CAPN5: variants seen among roughly 807,000 people sequenced by gnomAD.
CAPN5 encodes calpain 5.
A neutral mutation model predicts 73.0 loss-of-function variants in CAPN5; 54 were observed. The observed-to-expected ratio is 0.74, with a 90% confidence interval of 0.59 to 0.93. The LOEUF is 0.93. Among genes scored for constraint, CAPN5 ranks in the 40% least tolerant of loss-of-function variants. CAPN5 has a pLI of 0.00. For synonymous variants in CAPN5, 335 were observed against 356.9 expected, an observed-to-expected ratio of 0.94 and a Z score of 0.69; for missense variants, 785 against 882.9, an observed-to-expected ratio of 0.89 and a Z score of 1.41.
intron 7 of CAPN5, 137 bp downstream of exon 7, chr11:77,116,440 G>A (rs1950469392): frequency 1.4e-6 from 1 of 704,302 alleles, no homozygotes; most frequent in Non-Finnish European, 2.6e-6. Context: ...CCTTGGACAA[G>A]TCACACCATC....
chr11:77,124,754 C>T lies in CAPN5; in HGVS notation c.*884C>T, dbSNP rs944827231. 1 of 152,368 alleles carries T rather than the reference C, an allele frequency of 6.6e-6. No homozygotes were observed. Among genetic ancestry groups the T allele is most frequent in the East Asian group, 1.9e-4 (1 of 5,164 alleles). 9.4% of individuals were successfully genotyped at this position (152,368 alleles called of 1,614,324 possible). On this transcript the variant is annotated 3_prime_UTR_variant, in exon 13 of 13. Coordinates refer to ENST00000648180, the MANE Select transcript of CAPN5 (RefSeq NM_004055.5). ...TGGGGACCAGAAGGGGAGATGTGCT[C>T]CCAGAGCCTCTCTGCTGTAAGACCC...
At chr11:77,091,637 C>T (rs1472037628) in intron 2 of CAPN5, among the ~76,000 whole-genome samples, 2 of 152,186 alleles carry the variant, frequency 1.3e-5, no homozygotes, top group African/African-American at 4.8e-5. Flanking sequence ...GCAGTGGCTT[C>T]CTCAGCTCAG....
At chr11:77,122,526 C>T (rs1555043012) in intron 11 of CAPN5, 50 bp from the exon 12 acceptor site, 3 of 1,285,424 alleles carry the variant, frequency 2.3e-6, no homozygotes, top group East Asian at 2.6e-5. Flanking sequence ...TGTGGCCCTG[C>T]CACAGCCCCC....
chr11:77,093,621 G>A (rs978534121), intron 2 of CAPN5, 61 bp from the exon 3 acceptor site: 6 of 1,514,822 alleles, frequency 4.0e-6, no homozygotes, highest in Non-Finnish European at 5.3e-6. Context: ...CATGTCTCCT[G>A]CCATGGGGGG....
Position 77,096,845 on chromosome 11 carries a change from C to G in CAPN5, c.297+3032C>G, listed in dbSNP as rs1040029113. Among the ~76,000 whole-genome samples the G allele has an allele frequency of 3.0e-4, 46 of 152,114 alleles. 1 individual carries two copies. The highest frequency in any genetic ancestry group is 2.2e-4 in the Non-Finnish European group (15 of 68,000). ...GCATGGAAGTGACCAGAGTCCCAGT[C>G]GAATGCCTGGGTGTCTCTAGGAGGG... On this transcript the variant is annotated intron_variant, in intron 3 of 12. Coordinates refer to ENST00000648180, the MANE Select transcript of CAPN5 (RefSeq NM_004055.5).
chr11:77,104,358 G>A (rs1366355572), intron 3 of CAPN5, among the ~76,000 whole-genome samples: 5 of 152,186 alleles, frequency 3.3e-5, no homozygotes, highest in African/African-American at 7.2e-5. Flanking sequence ...CAAGTGCTTC[G>A]TCCTGACATA....
intron 3 of CAPN5, among the ~76,000 whole-genome samples, chr11:77,096,396 G>C (rs530910867): frequency 6.6e-6 from 1 of 152,308 alleles, no homozygotes; most frequent in South Asian, 2.1e-4. Flanking sequence ...GGGTCGTGGA[G>C]GATTAAAGGG....
rs146570975 is a variant in CAPN5, at chr11:77,103,592, T to A, written c.298-8997T>A. ...ATTGCTATAGACGATAGAGGCCTAC[T>A]AGGGGCCAGTGTGCATGGACAGTGA... On this transcript the variant is annotated intron_variant, in intron 3 of 12. Transcript: ENST00000648180. 8.7e-4 allele frequency among the ~76,000 whole-genome samples: 133 copies of A among 152,296 alleles called. 1 individual carries two copies. Among genetic ancestry groups the A allele is most frequent in the African/African-American group, 2.9e-3 (120 of 41,558 alleles).
chr11:77,103,874 A>C (rs1305814327), intron 3 of CAPN5, among the ~76,000 whole-genome samples: 4 of 152,114 alleles, frequency 2.6e-5, no homozygotes, highest in Non-Finnish European at 2.9e-5. Flanking sequence ...GATATGGGGC[A>C]GGGTTGCTGC....
intron 2 of CAPN5, among the ~76,000 whole-genome samples, chr11:77,092,898 T>C (rs1427462770): frequency 6.6e-6 from 1 of 152,110 alleles, no homozygotes; most frequent in Non-Finnish European, 1.5e-5. Context: ...ACCCAGGAGC[T>C]GGAGGTTGCA....
intron 2 of CAPN5, chr11:77,087,841 G>T: frequency 6.7e-7 from 1 of 1,483,068 alleles, no homozygotes; most frequent in Non-Finnish European, 9.1e-7. Context: ...TATTGACTCT[G>T]CAGGTGGGAC....
At chr11:77,099,985 T>C (rs1555038541) in intron 3 of CAPN5, among the ~76,000 whole-genome samples, 1 of 151,960 alleles carries the variant, frequency 6.6e-6, no homozygotes, top group African/African-American at 2.4e-5. Flanking sequence ...TACAGGCGCC[T>C]GCCACCATAC....
intron 8 of CAPN5, 28 bp from the exon 9 acceptor site, chr11:77,119,000 GTC>G (rs781787639): frequency 2.7e-5 from 43 of 1,589,998 alleles, no homozygotes; most frequent in East Asian, 6.9e-5. Context: ...TCATTGCAGT[GTC>G]TCTCTCTCTC....
chr11:77,087,657 G>T (rs1326560498), intron 2 of CAPN5, among the ~76,000 whole-genome samples: 4 of 152,094 alleles, frequency 2.6e-5, no homozygotes, highest in African/African-American at 9.7e-5. Flanking sequence ...CTGTAATTGG[G>T]GAAGGATAAT....
chr11:77,101,618 C>T (rs1329522328), intron 3 of CAPN5, among the ~76,000 whole-genome samples: 5 of 152,166 alleles, frequency 3.3e-5, no homozygotes, highest in Non-Finnish European at 7.4e-5. Flanking sequence ...ATTGATTAGC[C>T]ACCATCTCAC....
intron 3 of CAPN5, among the ~76,000 whole-genome samples, chr11:77,097,479 T>TTTG (rs1950223759): frequency 1.4e-5 from 2 of 144,110 alleles, no homozygotes; most frequent in Non-Finnish European, 3.0e-5. Context: ...TTTTTTTTTT[T>TTTG]TTTTTTTTTT....
At chr11:77,099,705 C>T (rs1170795064) in intron 3 of CAPN5, among the ~76,000 whole-genome samples, 1 of 113,818 alleles carries the variant, frequency 8.8e-6, no homozygotes, top group African/African-American at 3.5e-5. Flanking sequence ...AGAGGGAGAC[C>T]GTGGGGAGAG....
At chr11:77,089,549 G>C (rs1043616577) in intron 2 of CAPN5, among the ~76,000 whole-genome samples, 2 of 152,196 alleles carry the variant, frequency 1.3e-5, no homozygotes, top group African/African-American at 2.4e-5. Context: ...GAGGGCCTGG[G>C]CTTCCCCAAA....
At chr11:77,067,641 G>A (rs1949858484) in intron 1 of CAPN5, among the ~76,000 whole-genome samples, 1 of 147,512 alleles carries the variant, frequency 6.8e-6, no homozygotes, top group Admixed American at 6.6e-5. Flanking sequence ...ACGTGTGTGT[G>A]TGTGTGTGTG....
Sources: gnomAD v4.1 joint callset for allele counts (sites outside exome capture counted in the v4.1 genomes callset) on GRCh38, gnomAD v4.1.1 for gene constraint, MANE v1.5 for transcripts, NCBI Gene and HGNC (gene_info 2026-07-23, HGNC 2026-07-21) for gene names.